CTU2: variants seen among roughly 807,000 people sequenced by gnomAD.
CTU2 encodes cytoplasmic tRNA 2-thiolation protein 2.
In CTU2, 80 loss-of-function variants were observed where a neutral mutation model predicts 64.1. The ratio of observed to expected loss-of-function variants is 1.25; its 90% CI spans 1.04 to 1.50. The LOEUF (loss-of-function observed/expected upper bound fraction) is 1.50, where lower values mean the gene tolerates loss of function less well. CTU2 is among the 40% of genes most tolerant of loss of function. The pLI, the probability that CTU2 is intolerant of heterozygous loss-of-function variation, is 0.00. For synonymous variants in CTU2, 482 were observed against 285.3 expected (o/e 1.69, Z -6.95); for missense variants, 1,110 against 690.2 (o/e 1.61, Z -6.81).
In CTU2 at chr16:88,711,641, A is replaced by C. The variant is rs1278173238; in HGVS notation, c.289A>C (p.Ser97Arg). The change falls in exon 5 of 15, where the codon AGC (serine) becomes CGC (arginine). Residue 97 changes from serine (S) to arginine (R), a missense_variant. By Grantham distance (110) the Ser-to-Arg change is moderately radical (BLOSUM62 -1). Coordinates refer to ENST00000453996, the MANE Select transcript of CTU2 (RefSeq NM_001012759.3). Reference sequence around the variant, plus strand: ...CTGCTGCTTCTCCCTCTAGGGCCTGAGCCAAGATTCTGCCAAAAGACTGCG... The same window carrying C: ...CTGCTGCTTCTCCCTCTAGGGCCTGCGCCAAGATTCTGCCAAAAGACTGCG... ...SMVWQVLEGL[S>R]QDSAKRLRFV... The C allele has an allele frequency of 1.2e-6, 2 of 1,605,524 alleles. No homozygotes were observed. Among genetic ancestry groups the C allele is most frequent in the Middle Eastern group, 1.7e-4 (1 of 6,038 alleles).
In CTU2 at chr16:88,714,515, C is replaced by G. The variant is rs8050715; in HGVS notation, c.1201+29C>G. 0.89 allele frequency: 1,437,827 copies of G among 1,612,460 alleles called. 641,688 individuals are homozygous for G. Among genetic ancestry groups the G allele is most frequent in the Middle Eastern group, 0.93 (5,649 of 6,060 alleles). ...TGTGTTTCATGCTCTTGGGGTGATG[C>G]GGGGAGGGAGCCAGGGAGTGGGTGT... On this transcript the variant is annotated intron_variant, in intron 11 of 14. Transcript: ENST00000453996.
intron 3 of CTU2, 29 bp from the exon 4 acceptor site, chr16:88,710,194 T>G (rs9889176): frequency 1.5e-5 from 25 of 1,613,466 alleles, no homozygotes; most frequent in Non-Finnish European, 2.1e-5. Flanking sequence ...GGAGGTGCGG[T>G]GCCCTGAGTG....
rs765815294 is a variant in CTU2, at chr16:88,714,664, C to T, written c.1279C>T (p.Arg427Trp). ...GTCACCCATCCCCCTGACTGAGACC[C>T]GGACACCCCCGGGGCCCTGCTGTTC... ...MQSPIPLTET[R>W]TPPGPCCSPG... The change falls in exon 12 of 15, where the codon CGG (arginine) becomes TGG (tryptophan). Residue 427 changes from arginine (R) to tryptophan (W), a missense_variant. Physicochemically the swap from Arg to Trp is moderately radical, Grantham distance 101 (BLOSUM62 -3). Coordinates refer to ENST00000453996, the MANE Select transcript of CTU2 (RefSeq NM_001012759.3). 23 of 1,612,456 alleles carry T rather than the reference C, an allele frequency of 1.4e-5. No individual in the cohort carries two copies. Among genetic ancestry groups the T allele is most frequent in the East Asian group, 4.5e-5 (2 of 44,850 alleles).
At chr16:88,707,837 C>T (rs1911012510) in intron 2 of CTU2, among the ~76,000 whole-genome samples, 2 of 151,652 alleles carry the variant, frequency 1.3e-5, no homozygotes, top group South Asian at 4.2e-4. Flanking sequence ...GAGTCTCCCT[C>T]TGTCACCCAG....
chr16:88,715,163 A>C lies in CTU2; in HGVS notation c.1479-19A>C. ...GTAAGGGGCCTCGGGGCTGGTGCCC[A>C]CTGCAGCTTTCTCTCTAGGGCCTGG... On this transcript the variant is annotated intron_variant, in intron 14 of 14. Coordinates refer to ENST00000453996, the MANE Select transcript of CTU2 (RefSeq NM_001012759.3). 1 of 1,611,116 alleles carries C rather than the reference A, an allele frequency of 6.2e-7. No individual in the cohort carries two copies. The highest frequency in any genetic ancestry group is 8.5e-7 in the Non-Finnish European group (1 of 1,179,246).
Position 88,715,339 on chromosome 16 carries a change from C to CTGAT in CTU2, c.*91_*94dup, listed in dbSNP as rs771568737. ...GAAGGCAAGGACGGGGGACTGGCCT[C>CTGAT]TGATTGTCCATTTGTATAAATAAAA... is the stretch of plus-strand genomic sequence containing the variant. On this transcript the variant is annotated 3_prime_UTR_variant, in exon 15 of 15. Transcript: ENST00000453996. The CTGAT allele has an allele frequency of 5.0e-5, 67 of 1,335,228 alleles. No individual in the cohort carries two copies. Among genetic ancestry groups the CTGAT allele is most frequent in the Middle Eastern group, 2.1e-4 (1 of 4,804 alleles). 82.7% of individuals were successfully genotyped at this position (1,335,228 alleles called of 1,614,324 possible).
intron 2 of CTU2, chr16:88,709,373 C>G (rs1911140614): frequency 6.5e-6 from 1 of 153,104 alleles, no homozygotes; most frequent in East Asian, 1.9e-4. Flanking sequence ...CTTAGCCATT[C>G]CTGGCCCAGT....
In CTU2 at chr16:88,714,943, C is replaced by A; in HGVS notation, c.1419+17C>A. ...AAGGACTTGGTGAGTACGTGCCCAC[C>A]TGTCCTGGGCCGGGCTTGGGGACGC... is the stretch of plus-strand genomic sequence containing the variant. On this transcript the variant is annotated intron_variant, in intron 13 of 14. Coordinates refer to ENST00000453996, the MANE Select transcript of CTU2 (RefSeq NM_001012759.3). The A allele has an allele frequency of 6.2e-7, 1 of 1,611,176 alleles. No homozygotes were observed.
At chr16:88,707,107 C>G (rs773224445) in intron 1 of CTU2, 29 bp from the exon 2 acceptor site, 2 of 1,608,622 alleles carry the variant, frequency 1.2e-6, no homozygotes, top group Admixed American at 3.3e-5. Flanking sequence ...ATCTGTGTTT[C>G]TCTCTTCTCC....
chr16:88,709,269 G>A (rs1052539019), intron 2 of CTU2: 2 of 152,346 alleles, frequency 1.3e-5, no homozygotes, highest in African/African-American at 4.8e-5. Flanking sequence ...GTGACACATC[G>A]AGACCCTGTC....
In CTU2 at chr16:88,712,904, C is replaced by T. The variant is rs767710092; in HGVS notation, c.736C>T (p.Arg246Trp). ...TAKEELLQTLRTHLILHMARA... is the reference protein window; with the variant it reads ...TAKEELLQTLWTHLILHMARA... ...CAAGGAGGAGCTTCTGCAGACCCTG[C>T]GGTGAGGCCCCGAGAGCCCCCCTTC... Residue 246 changes from arginine to tryptophan, a missense_variant and splice_region_variant, in exon 7 of 15, where the codon CGG becomes TGG. Coordinates refer to ENST00000453996, the MANE Select transcript of CTU2 (RefSeq NM_001012759.3). The T allele has an allele frequency of 5.3e-6, 8 of 1,509,558 alleles. No homozygotes were observed. The highest frequency in any genetic ancestry group is 2.6e-5 in the South Asian group (2 of 76,862). 93.5% of individuals were successfully genotyped at this position (1,509,558 alleles called of 1,614,324 possible).
At chr16:88,712,164 C>T (rs1911377299) in intron 5 of CTU2, 110 bp from the exon 6 acceptor site, 3 of 935,556 alleles carry the variant, frequency 3.2e-6, no homozygotes, top group Non-Finnish European at 5.1e-6. Context: ...CCAGGAAGCA[C>T]CGCCCTGCGG....
At chr16:88,711,995 G>C (rs549291243) in intron 5 of CTU2, 8 of 610,940 alleles carry the variant, frequency 1.3e-5, no homozygotes, top group Non-Finnish European at 2.3e-5. Flanking sequence ...GGACAAAGAA[G>C]GGCAAGTTAA....
chr16:88,713,875 C>A, intron 9 of CTU2, 97 bp downstream of exon 9: 1 of 1,484,268 alleles, frequency 6.7e-7, no homozygotes, highest in Non-Finnish European at 9.3e-7. Flanking sequence ...ACCAGCACAC[C>A]TTCAGTGACT....
intron 2 of CTU2, among the ~76,000 whole-genome samples, chr16:88,708,663 G>A (rs1324277472): frequency 6.6e-6 from 1 of 152,264 alleles, no homozygotes; most frequent in East Asian, 1.9e-4. Context: ...GAACCACAGG[G>A]GGGTCATTCG....
Position 88,712,177 on chromosome 16 carries a change from C to G in CTU2, c.344-97C>G, listed in dbSNP as rs1253811477. 4.9e-6 allele frequency: 5 copies of G among 1,029,792 alleles called. No individual in the cohort carries two copies. The South Asian group carries it at 6.8e-5, about 14-fold the overall frequency. The allele number at this position is 1,029,792 out of a possible 1,614,324, so 63.8% of individuals were successfully genotyped here. A position where few individuals can be genotyped will look rare whatever the true frequency, so the allele number is the denominator to read the frequency against. ...CGCCAGGAAGCACCGCCCTGCGGAGCGAGGCCTCGAAGGGTTTTCCCAGGT... is the reference window on the plus strand; with the variant it reads ...CGCCAGGAAGCACCGCCCTGCGGAGGGAGGCCTCGAAGGGTTTTCCCAGGT... On this transcript the variant is annotated intron_variant, in intron 5 of 14. Coordinates refer to ENST00000453996, the MANE Select transcript of CTU2 (RefSeq NM_001012759.3).
intron 2 of CTU2, 102 bp from the exon 3 acceptor site, chr16:88,709,836 A>G: frequency 1.0e-6 from 1 of 971,376 alleles, no homozygotes; most frequent in South Asian, 1.3e-5. Flanking sequence ...GCTGCTTTTA[A>G]AGATGGAGAT....
At chr16:88,707,439 G>C (rs988997162) in intron 2 of CTU2, among the ~76,000 whole-genome samples, 8 of 152,242 alleles carry the variant, frequency 5.3e-5, no homozygotes, top group African/African-American at 1.9e-4. Context: ...TGAGGTTTCT[G>C]ATGGAACTTA....
At chr16:88,712,185 C>A in intron 5 of CTU2, 89 bp from the exon 6 acceptor site, 1 of 1,159,432 alleles carries the variant, frequency 8.6e-7, no homozygotes, top group Non-Finnish European at 1.3e-6. Flanking sequence ...AGCGAGGCCT[C>A]GAAGGGTTTT....
Sources: allele counts gnomAD v4.1 joint callset (sites outside exome capture counted in the v4.1 genomes callset), GRCh38; gene constraint gnomAD v4.1.1; transcripts MANE v1.5; gene names NCBI Gene and HGNC (gene_info 2026-07-23, HGNC 2026-07-21).